The following CPQ variants were observed in gnomAD, a reference collection of about 807,000 sequenced individuals.
CPQ encodes the protein carboxypeptidase Q.
CPQ carries 37 observed loss-of-function variants against 45.7 expected under a neutral mutation model. The observed-to-expected ratio is 0.81, with a 90% CI of 0.62 to 1.07. CPQ has a LOEUF of 1.07. Ranked by LOEUF, CPQ falls within the 50% of genes least tolerant of loss-of-function variation. The pLI is 0.00. For missense variants in CPQ, 537 were observed against 572.9 expected (o/e 0.94, Z 0.64); for synonymous variants, 186 against 205.8 (o/e 0.90, Z 0.82).
intron 1 of CPQ, among the ~76,000 whole-genome samples, chr8:96,685,581 T>C (rs116560340): frequency 0.014 from 2,142 of 152,280 alleles, 40 homozygotes; most frequent in African/African-American, 0.05. Flanking sequence ...GTTTCATTGA[T>C]CTATTTTTCT....
intron 3 of CPQ, among the ~76,000 whole-genome samples, chr8:96,850,142 G>A (rs146441839): frequency 5.7e-4 from 87 of 152,242 alleles, no homozygotes; most frequent in African/African-American, 2.0e-3. Flanking sequence ...CAAATGCTAC[G>A]TAATAGTGGT....
chr8:96,976,563 C>G (rs544359567), intron 5 of CPQ, among the ~76,000 whole-genome samples: 3 of 152,018 alleles, frequency 2.0e-5, no homozygotes, highest in African/African-American at 7.2e-5. Flanking sequence ...GCAAAAAGAA[C>G]AAATCTGGAA....
chr8:97,122,385 A>C (rs751173993), intron 7 of CPQ, among the ~76,000 whole-genome samples: 4 of 152,354 alleles, frequency 2.6e-5, no homozygotes, highest in Non-Finnish European at 4.4e-5. Context: ...ACATCTTTAA[A>C]GTGCGTGAAC....
intron 4 of CPQ, among the ~76,000 whole-genome samples, chr8:96,899,541 A>T (rs1174775980): frequency 6.6e-6 from 1 of 152,160 alleles, no homozygotes; most frequent in African/African-American, 2.4e-5. Flanking sequence ...TAGGAAGCTT[A>T]CAATCATGGT....
At chr8:96,826,952 C>T (rs944058377) in intron 2 of CPQ, among the ~76,000 whole-genome samples, 12 of 152,148 alleles carry the variant, frequency 7.9e-5, no homozygotes, top group South Asian at 4.1e-4. Flanking sequence ...CTGCAAAGGA[C>T]ATGATCTTGT....
At chr8:97,006,101 C>T (rs560972617) in intron 5 of CPQ, among the ~76,000 whole-genome samples, 1 of 152,230 alleles carries the variant, frequency 6.6e-6, no homozygotes, top group East Asian at 1.9e-4. Context: ...TTTCAGCCAG[C>T]GAGTCTGCTG....
intron 7 of CPQ, among the ~76,000 whole-genome samples, chr8:97,089,262 GAAAAGAAA>G (rs1811092704): frequency 6.8e-6 from 1 of 146,674 alleles, no homozygotes; most frequent in African/African-American, 2.5e-5. Context: ...AAAAAAAAGA[GAAAAGAAA>G]AGAAAAGAAA....
intron 7 of CPQ, among the ~76,000 whole-genome samples, chr8:97,081,473 G>C (rs1430381799): frequency 3.3e-5 from 5 of 152,082 alleles, no homozygotes; most frequent in Admixed American, 3.3e-4. Context: ...AAATCACCTG[G>C]GGAGCTTTTA....
chr8:97,017,396 A>G (rs1809599787), intron 5 of CPQ, among the ~76,000 whole-genome samples: 1 of 152,332 alleles, frequency 6.6e-6, no homozygotes, highest in East Asian at 1.9e-4. Flanking sequence ...GAGCTGATCA[A>G]AAAGTCTCCT....
At chr8:96,986,461 G>T (rs1361702513) in intron 5 of CPQ, among the ~76,000 whole-genome samples, 2 of 152,058 alleles carry the variant, frequency 1.3e-5, no homozygotes, top group Admixed American at 6.6e-5. Flanking sequence ...AATTTTATAC[G>T]GATTTTTTTT....
intron 1 of CPQ, among the ~76,000 whole-genome samples, chr8:96,780,150 A>G (rs963650542): frequency 6.6e-6 from 1 of 152,302 alleles, no homozygotes. Context: ...TGAATAATTT[A>G]CCCTACTTGA....
intron 4 of CPQ, among the ~76,000 whole-genome samples, chr8:96,912,224 A>G (rs1343259563): frequency 2.0e-5 from 3 of 152,214 alleles, no homozygotes; most frequent in East Asian, 3.8e-4. Flanking sequence ...GAGATTAGAA[A>G]TGTTATTTTG....
intron 4 of CPQ, among the ~76,000 whole-genome samples, chr8:96,908,231 A>C (rs1812605921): frequency 6.6e-6 from 1 of 151,872 alleles, no homozygotes; most frequent in Non-Finnish European, 1.5e-5. Context: ...AAAGATTGAC[A>C]ATATATTTCA....
rs189008465 is a variant in CPQ, at chr8:96,875,018, C to A, written c.642-4780C>A. ...TGTTTTTATCTCTTTTTGGTAATAG[C>A]CATCCTATTAGATGGAAAGTGACAT... On this transcript the variant is annotated intron_variant, in intron 3 of 7. Coordinates refer to ENST00000220763, the MANE Select transcript of CPQ (RefSeq NM_016134.4). Among the ~76,000 whole-genome samples, 510 of 151,862 alleles carry A rather than the reference C, an allele frequency of 3.4e-3. 1 individual carries two copies. Among genetic ancestry groups the A allele is most frequent in the African/African-American group, 0.011 (464 of 41,498 alleles).
intron 1 of CPQ, among the ~76,000 whole-genome samples, chr8:96,724,848 C>T (rs982646401): frequency 1.3e-5 from 2 of 152,044 alleles, no homozygotes; most frequent in East Asian, 1.9e-4. Flanking sequence ...CATTATCCAA[C>T]TTGTTTATAC....
chr8:97,030,118 T>G (rs1809874967), intron 6 of CPQ, among the ~76,000 whole-genome samples: 1 of 152,194 alleles, frequency 6.6e-6, no homozygotes, highest in African/African-American at 2.4e-5. Context: ...AGAGCAAATT[T>G]TGAGACAGCA....
intron 3 of CPQ, among the ~76,000 whole-genome samples, chr8:96,841,003 C>T (rs1416619539): frequency 1.3e-5 from 2 of 152,178 alleles, no homozygotes; most frequent in East Asian, 3.9e-4. Flanking sequence ...GATGTCCCCC[C>T]TCTTATCTGC....
chr8:96,861,131 A>G (rs1287415300), intron 3 of CPQ, among the ~76,000 whole-genome samples: 2 of 152,282 alleles, frequency 1.3e-5, no homozygotes, highest in Non-Finnish European at 2.9e-5. Context: ...AAAATGAATA[A>G]GACTGTGACA....
At position 96,835,196 on chromosome 8, in the gene CPQ, C is replaced by T. The variant is rs1811514296; in HGVS notation, c.641+16C>T. ...CCATCTACAGGTTTGTCACAATGTT[C>T]ATTTGAATTCCTTTCAAAAACAAGG... On this transcript the variant is annotated intron_variant, in intron 3 of 7. Coordinates refer to ENST00000220763, the MANE Select transcript of CPQ (RefSeq NM_016134.4). The T allele has an allele frequency of 2.8e-6, 4 of 1,412,564 alleles. No individual in the cohort carries two copies. The highest frequency in any genetic ancestry group is 3.7e-6 in the Non-Finnish European group (4 of 1,074,294). The allele number at this position is 1,412,564 out of a possible 1,614,324, so 87.5% of individuals were successfully genotyped here.
Sources: gnomAD v4.1 joint callset for allele counts (sites outside exome capture counted in the v4.1 genomes callset) on GRCh38, gnomAD v4.1.1 for gene constraint, MANE v1.5 for transcripts, NCBI Gene and HGNC (gene_info 2026-07-23, HGNC 2026-07-21) for gene names.